The following TENM2 variants were observed in gnomAD, a reference collection of about 807,000 sequenced individuals.
The protein encoded by TENM2 is teneurin transmembrane protein 2.
In TENM2, 52 loss-of-function variants were observed where a neutral mutation model predicts 245.2. The observed-to-expected ratio is 0.21, with a 90% confidence interval of 0.17 to 0.27. The LOEUF (loss-of-function observed/expected upper bound fraction) is 0.27, where lower values mean the gene tolerates loss of function less well. TENM2 is among the 10% of genes least tolerant of loss of function. The probability of loss-of-function intolerance (pLI) is 1.00; values close to 1 mark genes in which losing one functional copy is unlikely to be tolerated. For missense variants in TENM2, 3,046 were observed against 3,666.8 expected (o/e 0.83, Z 4.37); for synonymous variants, 1,363 against 1,438.9 (o/e 0.95, Z 1.19).
At chr5:167,389,658 T>C (rs1033839618) in intron 2 of TENM2, among the ~76,000 whole-genome samples, 2 of 152,170 alleles carry the variant, frequency 1.3e-5, no homozygotes, top group Non-Finnish European at 1.5e-5. Context: ...CTGACTGTTT[T>C]CTTAAGATGA....
chr5:167,475,901 A>G (rs1338626894), intron 2 of TENM2, among the ~76,000 whole-genome samples: 1 of 152,090 alleles, frequency 6.6e-6, no homozygotes, highest in African/African-American at 2.4e-5. Context: ...TCTATCATTG[A>G]TGGGCATTTG....
chr5:167,674,269 G>A (rs1352687817), intron 2 of TENM2, among the ~76,000 whole-genome samples: 11 of 152,040 alleles, frequency 7.2e-5, no homozygotes, highest in African/African-American at 7.2e-5. Context: ...GATTATGCAG[G>A]TCAGGTCACC....
At chr5:167,801,075 A>C (rs1335270501) in intron 2 of TENM2, among the ~76,000 whole-genome samples, 1 of 127,224 alleles carries the variant, frequency 7.9e-6, no homozygotes, top group Non-Finnish European at 1.6e-5. Context: ...TTTTCCCTAT[A>C]CTTTGAATGT....
At chr5:167,563,598 T>G (rs545938214) in intron 2 of TENM2, among the ~76,000 whole-genome samples, 2 of 152,294 alleles carry the variant, frequency 1.3e-5, no homozygotes, top group African/African-American at 4.8e-5. Flanking sequence ...AGTATTAATT[T>G]TATAGTTTAG....
At chr5:168,237,223 G>A (rs1241466630) in intron 25 of TENM2, among the ~76,000 whole-genome samples, 2 of 149,616 alleles carry the variant, frequency 1.3e-5, no homozygotes, top group African/African-American at 4.9e-5. Context: ...TCATCATGTT[G>A]ACCAGGCTGG....
intron 2 of TENM2, among the ~76,000 whole-genome samples, chr5:167,480,594 A>T (rs2127527891): frequency 6.6e-6 from 1 of 152,318 alleles, no homozygotes. Flanking sequence ...ATTTTGACAC[A>T]AAATCTAGAT....
At chr5:167,164,308 G>A in the TENM2 span, among the ~76,000 whole-genome samples, 1 of 152,166 alleles carries the variant, frequency 6.6e-6, no homozygotes, top group Non-Finnish European at 1.5e-5. Flanking sequence ...GAGTGGTTTG[G>A]ACTCCAGATT....
chr5:167,619,634 A>G (rs1016820855), intron 2 of TENM2, among the ~76,000 whole-genome samples: 7 of 152,196 alleles, frequency 4.6e-5, no homozygotes, highest in African/African-American at 1.7e-4. Context: ...GAGGATTAAA[A>G]TAAATTGTGC....
rs141365200 is a variant in TENM2, at chr5:168,092,950, A to G, written c.1711+2181A>G. On this transcript the variant is annotated intron_variant, in intron 8 of 28. Transcript: ENST00000518659. ...TGTCTGTTGCTTCCTCAACCCATGG[A>G]GTAGCCACATGAGGTAGCACTATCA... Among the ~76,000 whole-genome samples, 623 of 152,324 alleles carry G rather than the reference A, an allele frequency of 4.1e-3. 6 individuals carry two copies. The highest frequency in any genetic ancestry group is 0.014 in the African/African-American group (581 of 41,572).
chr5:167,099,466 C>T, the TENM2 span, among the ~76,000 whole-genome samples: 4 of 152,098 alleles, frequency 2.6e-5, no homozygotes, highest in Non-Finnish European at 5.9e-5. Flanking sequence ...GAGGCCGAGG[C>T]GGGCGGATCG....
At chr5:167,583,512 C>CA (rs1561573949) in intron 2 of TENM2, among the ~76,000 whole-genome samples, 3 of 71,850 alleles carry the variant, frequency 4.2e-5, no homozygotes, top group Non-Finnish European at 6.1e-5. Context: ...ACACACACAC[C>CA]CCAAACCTAT....
chr5:167,156,352 C>A, the TENM2 span, among the ~76,000 whole-genome samples: 1 of 152,200 alleles, frequency 6.6e-6, no homozygotes, highest in African/African-American at 2.4e-5. Context: ...CTTACTTATA[C>A]TAAATTGCAC....
At chr5:168,224,503 A>T (rs997211905) in intron 23 of TENM2, among the ~76,000 whole-genome samples, 2 of 152,242 alleles carry the variant, frequency 1.3e-5, no homozygotes, top group African/African-American at 4.8e-5. Flanking sequence ...GCAATTCTTT[A>T]TTCCAAAAAC....
chr5:168,002,532 G>A (rs1185639160), intron 5 of TENM2, among the ~76,000 whole-genome samples: 1 of 152,176 alleles, frequency 6.6e-6, no homozygotes, highest in Non-Finnish European at 1.5e-5. Context: ...AGTTCAGTGT[G>A]CCTTTGAATT....
chr5:167,584,328 T>G (rs541509036), intron 2 of TENM2, among the ~76,000 whole-genome samples: 151 of 152,344 alleles, frequency 9.9e-4, no homozygotes, highest in Admixed American at 2.7e-3. Flanking sequence ...CATTGGTTAC[T>G]TGGTTACATC....
intron 2 of TENM2, among the ~76,000 whole-genome samples, chr5:167,646,618 C>G (rs939229509): frequency 5.3e-5 from 8 of 151,852 alleles, no homozygotes; most frequent in Non-Finnish European, 8.8e-5. Flanking sequence ...GGGCAAGAGA[C>G]ACAAATTCAG....
chr5:167,044,579 A>G, the TENM2 span, among the ~76,000 whole-genome samples: 1 of 152,154 alleles, frequency 6.6e-6, no homozygotes, highest in Non-Finnish European at 1.5e-5. Flanking sequence ...GATCACATAG[A>G]GAGTTAGCAG....
chr5:167,332,876 C>G (rs1403452393), intron 1 of TENM2, among the ~76,000 whole-genome samples: 1 of 151,960 alleles, frequency 6.6e-6, no homozygotes, highest in Non-Finnish European at 1.5e-5. Context: ...TCAAGGAAGC[C>G]AGGAAGAGAA....
chr5:167,919,075 G>A (rs1777157728), intron 3 of TENM2, among the ~76,000 whole-genome samples: 1 of 152,084 alleles, frequency 6.6e-6, no homozygotes, highest in Non-Finnish European at 1.5e-5. Context: ...TCTATTTCTT[G>A]CTTTTGTCTG....
Sources: allele counts gnomAD v4.1 joint callset (sites outside exome capture counted in the v4.1 genomes callset), GRCh38; gene constraint gnomAD v4.1.1; transcripts MANE v1.5; gene names NCBI Gene and HGNC (gene_info 2026-07-23, HGNC 2026-07-21).